Variants in LRRTM4 observed in about 807,000 individuals in gnomAD.
The protein encoded by LRRTM4 is leucine rich repeat transmembrane neuronal 4.
Under a neutral mutation model 47.6 loss-of-function variants are expected in LRRTM4, and 25 were observed. The observed-to-expected ratio is 0.53, with a 90% CI of 0.38 to 0.73. The LOEUF (loss-of-function observed/expected upper bound fraction) is 0.73. Ranked by LOEUF, LRRTM4 falls within the 30% of genes least tolerant of loss-of-function variation. The probability of loss-of-function intolerance (pLI) is 0.00; values close to 1 mark genes in which losing one functional copy is unlikely to be tolerated. For synonymous variants in LRRTM4, 311 were observed against 269.5 expected, an observed-to-expected ratio of 1.15 and a Z score of -1.51; for missense variants, 638 against 713.4, an observed-to-expected ratio of 0.89 and a Z score of 1.20.
chr2:77,048,227 A>G (rs925198006), intron 3 of LRRTM4, among the ~76,000 whole-genome samples: 6 of 151,964 alleles, frequency 3.9e-5, no homozygotes, highest in African/African-American at 1.2e-4. Context: ...GTATGAATGT[A>G]TGTGTGTGCA....
intron 3 of LRRTM4, among the ~76,000 whole-genome samples, chr2:76,811,491 C>T (rs983905933): frequency 1.3e-5 from 2 of 152,100 alleles, no homozygotes; most frequent in Admixed American, 6.6e-5. Flanking sequence ...GCCAGACCAT[C>T]GCCTCTACTC....
chr2:77,382,714 A>AATT (rs1431236162), intron 3 of LRRTM4, among the ~76,000 whole-genome samples: 1 of 152,096 alleles, frequency 6.6e-6, no homozygotes, highest in East Asian at 1.9e-4. Context: ...GCCTCTGCTG[A>AATT]ATTTTCTGCT....
intron 3 of LRRTM4, among the ~76,000 whole-genome samples, chr2:77,344,528 T>A (rs1367682197): frequency 1.3e-5 from 2 of 151,526 alleles, no homozygotes; most frequent in Admixed American, 1.3e-4. Flanking sequence ...CAGGGGAAAA[T>A]GAACATATCA....
At chr2:77,450,285 G>GCA (rs138889433) in intron 3 of LRRTM4, among the ~76,000 whole-genome samples, 4,493 of 143,730 alleles carry the variant, frequency 0.031, 106 homozygotes, top group Admixed American at 0.078. Context: ...TCTCTGTCAT[G>GCA]CACACACACA....
chr2:77,172,981 G>A (rs901540314), intron 3 of LRRTM4, among the ~76,000 whole-genome samples: 2 of 152,192 alleles, frequency 1.3e-5, no homozygotes, highest in Non-Finnish European at 2.9e-5. Flanking sequence ...CAACAAACAT[G>A]GGATTCCCCT....
At chr2:77,056,350 A>G (rs1679608872) in intron 3 of LRRTM4, among the ~76,000 whole-genome samples, 1 of 152,184 alleles carries the variant, frequency 6.6e-6, no homozygotes, top group Non-Finnish European at 1.5e-5. Context: ...CACTAGACTC[A>G]AAAGTATAGC....
intron 3 of LRRTM4, among the ~76,000 whole-genome samples, chr2:77,117,437 A>G (rs1308035098): frequency 1.3e-5 from 2 of 151,538 alleles, no homozygotes; most frequent in Non-Finnish European, 3.0e-5. Flanking sequence ...GAAATCCATT[A>G]TTTATTATAT....
intron 3 of LRRTM4, among the ~76,000 whole-genome samples, chr2:77,437,167 C>T (rs149761856): frequency 6.6e-4 from 101 of 151,922 alleles, no homozygotes; most frequent in East Asian, 6.6e-3. Context: ...CTAAATTTGA[C>T]GATTTTTATG....
intron 3 of LRRTM4, among the ~76,000 whole-genome samples, chr2:76,874,936 T>C (rs942833045): frequency 2.6e-5 from 4 of 152,136 alleles, no homozygotes; most frequent in East Asian, 1.9e-4. Flanking sequence ...ATATTTGTTA[T>C]AGTAATTTAA....
intron 3 of LRRTM4, among the ~76,000 whole-genome samples, chr2:77,371,599 G>C (rs1672657604): frequency 6.6e-6 from 1 of 151,646 alleles, no homozygotes; most frequent in Admixed American, 6.6e-5. Flanking sequence ...CAATGACATA[G>C]AATGAAGTGA....
chr2:77,297,681 C>T (rs1558675286), intron 3 of LRRTM4, among the ~76,000 whole-genome samples: 1 of 152,152 alleles, frequency 6.6e-6, no homozygotes, highest in Non-Finnish European at 1.5e-5. Flanking sequence ...TATGCTGTCC[C>T]TATGGCAGTA....
chr2:77,336,409 A>G (rs112895488), intron 3 of LRRTM4, among the ~76,000 whole-genome samples: 1 of 152,256 alleles, frequency 6.6e-6, no homozygotes, highest in Non-Finnish European at 1.5e-5. Flanking sequence ...TACCAAAATT[A>G]TAGTTTTAAA....
chr2:77,218,043 G>A (rs1674508914), intron 3 of LRRTM4, among the ~76,000 whole-genome samples: 1 of 151,990 alleles, frequency 6.6e-6, no homozygotes. Flanking sequence ...TGCCCAGGCT[G>A]GAGTGCAGTG....
At chr2:77,089,297 C>A (rs2103879332) in intron 3 of LRRTM4, among the ~76,000 whole-genome samples, 1 of 148,884 alleles carries the variant, frequency 6.7e-6, no homozygotes, top group South Asian at 2.1e-4. Flanking sequence ...TCAACCCCTT[C>A]TCCTTCACTC....
chr2:77,442,170 T>C (rs2103931712), intron 3 of LRRTM4, among the ~76,000 whole-genome samples: 1 of 152,050 alleles, frequency 6.6e-6, no homozygotes, highest in East Asian at 1.9e-4. Context: ...TGCAAAGGGG[T>C]TTTAAAAATA....
intron 2 of LRRTM4, among the ~76,000 whole-genome samples, chr2:77,520,730 T>C (rs750678972): frequency 5.3e-5 from 8 of 152,130 alleles, no homozygotes; most frequent in Non-Finnish European, 1.5e-5. Context: ...ACTATTTTTC[T>C]CTACATCACC....
intron 3 of LRRTM4, among the ~76,000 whole-genome samples, chr2:77,115,165 T>G (rs1671355137): frequency 6.6e-6 from 1 of 152,094 alleles, no homozygotes; most frequent in Non-Finnish European, 1.5e-5. Context: ...GGAAAAGAAT[T>G]CAGTGATATT....
chr2:77,057,925 G>T (rs573790355), intron 3 of LRRTM4, among the ~76,000 whole-genome samples: 3 of 152,212 alleles, frequency 2.0e-5, no homozygotes, highest in Admixed American at 1.3e-4. Context: ...TTGGATGCAC[G>T]TAAGTGTATT....
At chr2:77,211,726 C>T (rs1415870173) in intron 3 of LRRTM4, among the ~76,000 whole-genome samples, 1 of 152,118 alleles carries the variant, frequency 6.6e-6, no homozygotes, top group Non-Finnish European at 1.5e-5. Context: ...GAAAGACTCC[C>T]TTCCCATAGC....
Sources: allele counts gnomAD v4.1 joint callset (sites outside exome capture counted in the v4.1 genomes callset), GRCh38; gene constraint gnomAD v4.1.1; transcripts MANE v1.5; gene names NCBI Gene and HGNC (gene_info 2026-07-23, HGNC 2026-07-21).